Variants in DNAH2 observed in about 807,000 individuals in gnomAD.
DNAH2 encodes dynein axonemal heavy chain 2.
Under a neutral mutation model 523.5 loss-of-function variants are expected in DNAH2, and 323 were observed. The observed-to-expected ratio is 0.62, with a 90% CI of 0.56 to 0.68. DNAH2 has a LOEUF of 0.68. DNAH2 is among the 30% of genes least tolerant of loss of function. DNAH2 has a pLI of 0.00. For synonymous variants in DNAH2, 2,093 were observed against 2,177.4 expected (o/e 0.96, Z 1.08); for missense variants, 4,907 against 5,701.5 (o/e 0.86, Z 4.49).
intron 30 of DNAH2, 103 bp from the exon 31 acceptor site, chr17:7,775,920 TG>T: frequency 6.8e-7 from 1 of 1,463,972 alleles, no homozygotes; most frequent in Non-Finnish European, 9.2e-7. Flanking sequence ...CGCTTTTCTC[TG>T]GGTACAAAGC....
chr17:7,779,185 G>A (rs764955974), intron 35 of DNAH2, 58 bp from the exon 36 acceptor site: 70 of 1,588,924 alleles, frequency 4.4e-5, no homozygotes, highest in African/African-American at 6.7e-5. Flanking sequence ...CGTTAATCAC[G>A]CTTTCTAGCC....
At chr17:7,737,871 G>A (rs898907997) in intron 8 of DNAH2, 3 of 671,654 alleles carry the variant, frequency 4.5e-6, no homozygotes, top group African/African-American at 1.8e-5. Context: ...AAGGAGTAGG[G>A]GGCTGAGACA....
At chr17:7,815,753 A>ATC (rs2077648731) in intron 63 of DNAH2, among the ~76,000 whole-genome samples, 1 of 152,044 alleles carries the variant, frequency 6.6e-6, no homozygotes, top group Non-Finnish European at 1.5e-5. Flanking sequence ...CATATACAGG[A>ATC]TCACACACAC....
rs1263941986 is a variant in DNAH2, at chr17:7,804,958, G to A, written c.9184G>A (p.Ala3062Thr). 1 of 1,613,708 alleles carries A rather than the reference G, an allele frequency of 6.2e-7. No homozygotes were observed. Among genetic ancestry groups the A allele is most frequent in the Admixed American group, 1.7e-5 (1 of 59,972 alleles). ...ACCCTTGTCCTTTTTTCATCCCTAG[G>A]CCGTAACAGCCAACAGTGAAAAGAT... ...QKREADEQQK[A>T]VTANSEKIAV... The change falls in exon 60 of 86, where the codon GCC (alanine) becomes ACC (threonine). Residue 3062 changes from alanine to threonine, a missense_variant and splice_region_variant. This residue lies in a region of DNAH2 where 1,851 missense variants were observed against 2,139.4 expected (regional missense o/e 0.87). Coordinates refer to ENST00000572933, the MANE Select transcript of DNAH2 (RefSeq NM_020877.5).
chr17:7,801,333 G>A (rs575996737), intron 56 of DNAH2, among the ~76,000 whole-genome samples: 1 of 145,898 alleles, frequency 6.9e-6, no homozygotes, highest in South Asian at 2.2e-4. Flanking sequence ...CATTCAAAGA[G>A]CTTAGATACT....
In DNAH2 at chr17:7,807,695, C is replaced by A. The variant is rs867286608; in HGVS notation, c.9729+109C>A. 8 of 957,836 alleles carry A rather than the reference C, an allele frequency of 8.4e-6. No individual in the cohort carries two copies. Among genetic ancestry groups the A allele is most frequent in the Middle Eastern group, 4.2e-4 (2 of 4,734 alleles). The allele number at this position is 957,836 out of a possible 1,614,324, so 59.3% of individuals were successfully genotyped here. Reference sequence around the variant, plus strand: ...TAATTCTAGCCCCCTTCCCCATGTCCTGTGCCATTCCAGTCCTGTCTCCTT... The same window carrying A: ...TAATTCTAGCCCCCTTCCCCATGTCATGTGCCATTCCAGTCCTGTCTCCTT... On this transcript the variant is annotated intron_variant, in intron 63 of 85. Coordinates refer to ENST00000572933, the MANE Select transcript of DNAH2 (RefSeq NM_020877.5). The surrounding 1 kb of genome is among the most constrained non-coding windows in gnomAD (Gnocchi z 5.6).
In DNAH2 at chr17:7,744,746, C is replaced by T. The variant is rs73248556; in HGVS notation, c.1904+1604C>T. 3.7e-3 allele frequency among the ~76,000 whole-genome samples: 566 copies of T among 152,248 alleles called. 1 individual carries two copies. The highest frequency in any genetic ancestry group is 0.013 in the African/African-American group (550 of 41,534). On this transcript the variant is annotated intron_variant, in intron 12 of 85. Transcript: ENST00000572933. ...TAAATCAACGATAAGATTCTGAAGA[C>T]TGAGAAACTAGGCCAGAGTTAGCCT... is the stretch of plus-strand genomic sequence containing the variant.
intron 49 of DNAH2, among the ~76,000 whole-genome samples, chr17:7,795,079 A>G (rs964597819): frequency 6.6e-6 from 1 of 152,078 alleles, no homozygotes; most frequent in Non-Finnish European, 1.5e-5. Context: ...TGGAGTGGGA[A>G]GGAGAACTGG....
At chr17:7,726,824 G>A (rs1228511625) in intron 3 of DNAH2, among the ~76,000 whole-genome samples, 3 of 152,110 alleles carry the variant, frequency 2.0e-5, no homozygotes, top group African/African-American at 7.2e-5. Flanking sequence ...GAGATCGAGG[G>A]CTGACATTTT....
chr17:7,818,244 C>T (rs990176190), intron 68 of DNAH2, 68 bp from the exon 69 acceptor site: 67 of 1,601,154 alleles, frequency 4.2e-5, no homozygotes, highest in South Asian at 1.3e-4. Flanking sequence ...CCCTGGATGC[C>T]GGTGGGGGAT....
chr17:7,742,880 G>GATCATT, intron 11 of DNAH2, 48 bp from the exon 12 acceptor site: 5 of 1,271,334 alleles, frequency 3.9e-6, no homozygotes, highest in Non-Finnish European at 5.1e-6. Flanking sequence ...GTGGCCCCTG[G>GATCATT]AGGAAGGTGG....
chr17:7,747,181 A>C (rs2075542196), intron 12 of DNAH2, among the ~76,000 whole-genome samples: 1 of 151,710 alleles, frequency 6.6e-6, no homozygotes. Context: ...GGGTCTTGCT[A>C]TGTTGCCCAG....
Position 7,823,431 on chromosome 17 carries a change from T to A in DNAH2, c.11143-11T>A. On this transcript the variant is annotated splice_polypyrimidine_tract_variant and intron_variant, in intron 73 of 85. Coordinates refer to ENST00000572933, the MANE Select transcript of DNAH2 (RefSeq NM_020877.5). ...AAGTCAATCCCTTTCTTCCTCCCCT[T>A]CTCCCACCAGGTCTTGGATCGGGAG... The A allele has an allele frequency of 6.2e-7, 1 of 1,611,944 alleles. No individual in the cohort carries two copies. Among genetic ancestry groups the A allele is most frequent in the Non-Finnish European group, 8.5e-7 (1 of 1,179,428 alleles).
At chr17:7,724,277 G>A (rs959448075) in intron 3 of DNAH2, among the ~76,000 whole-genome samples, 11 of 152,124 alleles carry the variant, frequency 7.2e-5, no homozygotes, top group Admixed American at 7.2e-4. Flanking sequence ...AAGTAAAATA[G>A]AGAAAATAAG....
intron 39 of DNAH2, among the ~76,000 whole-genome samples, chr17:7,785,349 C>T (rs546912373): frequency 1.9e-4 from 29 of 152,134 alleles, no homozygotes; most frequent in Non-Finnish European, 2.9e-4. Context: ...GCGATCTGTC[C>T]GCCTCAGCCT....
In DNAH2 at chr17:7,830,440, C is replaced by G; in HGVS notation, c.11994C>G (p.Phe3998Leu). ...FHSVLLERKK[F>L]LQLGWNIIYG... ...CTGTGTTACTTGAACGCAAAAAGTT[C>G]CTGCAGCTTGGCTGGAACATCATCT... Residue 3998 changes from phenylalanine (F) to leucine (L), a missense_variant, in exon 78 of 86, where the codon TTC becomes TTG. Phe to Leu is a conservative substitution (Grantham distance 22, BLOSUM62 0). Around this residue, in one of 3 missense-constraint regions of DNAH2, gnomAD observed 1,851 missense variants for 2,139.4 expected, o/e 0.87. Coordinates refer to ENST00000572933, the MANE Select transcript of DNAH2 (RefSeq NM_020877.5). 1 of 1,614,228 alleles carries G rather than the reference C, an allele frequency of 6.2e-7. No homozygotes were observed. The highest frequency in any genetic ancestry group is 8.5e-7 in the Non-Finnish European group (1 of 1,180,052).
At chr17:7,731,955 G>A (rs1465949523) in intron 4 of DNAH2, among the ~76,000 whole-genome samples, 2 of 151,194 alleles carry the variant, frequency 1.3e-5, no homozygotes, top group Admixed American at 1.3e-4. Flanking sequence ...CTTGAACCCG[G>A]GAGGCGGAAG....
rs376216275 is a variant in DNAH2, at chr17:7,743,116, G to C, written c.1878G>C (p.Ala626=). The change falls in exon 12 of 86, where the codon GCG becomes GCC. Residue 626 remains alanine, a synonymous_variant. Transcript: ENST00000572933. ...TPLLRISQEK[A]GMLDVNFDKS... is the part of the protein sequence containing the mutation. ...TGCTGCGAATCAGCCAGGAGAAGGC[G>C]GGCATGCTGGATGTCAACTTTGACA... 4.0e-5 allele frequency: 63 copies of C among 1,579,026 alleles called. No individual in the cohort carries two copies. Among genetic ancestry groups the C allele is most frequent in the Non-Finnish European group, 5.1e-5 (60 of 1,166,912 alleles).
intron 31 of DNAH2, among the ~76,000 whole-genome samples, 195 bp from the exon 32 acceptor site, chr17:7,776,584 C>T (rs1296189793): frequency 6.6e-6 from 1 of 152,216 alleles, no homozygotes; most frequent in Non-Finnish European, 1.5e-5. Context: ...TCTTACCCCC[C>T]TTTCTGAGCT....
Sources: allele counts gnomAD v4.1 joint callset (sites outside exome capture counted in the v4.1 genomes callset), GRCh38; gene constraint gnomAD v4.1.1; regional missense constraint gnomAD v4.1.1; non-coding constraint Gnocchi (gnomAD v3.1); transcripts MANE v1.5; gene names NCBI Gene and HGNC (gene_info 2026-07-23, HGNC 2026-07-21).